Variants in AGAP1 observed in about 807,000 individuals in gnomAD.
AGAP1 encodes the protein arf-GAP with GTPase, ANK repeat and PH domain-containing protein 1.
AGAP1 carries 29 observed loss-of-function variants against 105.3 expected under a neutral mutation model. That is an observed-to-expected ratio of 0.28 (90% CI 0.21 to 0.38). AGAP1 has a LOEUF of 0.38. Ranked by LOEUF, AGAP1 falls within the 10% of genes least tolerant of loss-of-function variation. AGAP1 has a pLI of 1.00. For missense variants in AGAP1, 998 were observed against 1,165.1 expected (o/e 0.86, Z 2.09); for synonymous variants, 509 against 485.9 (o/e 1.05, Z -0.63).
chr2:235,628,630 T>C (rs568828588), intron 1 of AGAP1, among the ~76,000 whole-genome samples: 8 of 152,124 alleles, frequency 5.3e-5, no homozygotes, highest in Admixed American at 5.2e-4. Flanking sequence ...ACCTCTTTTT[T>C]TTTTCCATAG....
In AGAP1 at chr2:236,014,373, C is replaced by T. The variant is rs2056620475; in HGVS notation, c.1646-22188C>T. Among the ~76,000 whole-genome samples, 1 of 152,164 alleles carries T rather than the reference C, an allele frequency of 6.6e-6. No homozygotes were observed. The highest frequency in any genetic ancestry group is 2.4e-5 in the African/African-American group (1 of 41,428). ...CACATAGGCATGAACTGCTCATAAC[C>T]AGGGTCTCTTGATTTGACATGCTCC... On this transcript the variant is annotated intron_variant, in intron 13 of 17. Coordinates refer to ENST00000304032, the MANE Select transcript of AGAP1 (RefSeq NM_001037131.3). The surrounding 1 kb of genome is among the most constrained non-coding windows in gnomAD (Gnocchi z 6.3).
rs373134304 is a variant in AGAP1 at position 235,777,627 on chromosome 2, G to A, written c.674-20132G>A. On this transcript the variant is annotated intron_variant, in intron 6 of 17. Transcript: ENST00000304032. This position sits in a 1 kb window ranked among gnomAD's most constrained non-coding sequence, Gnocchi z 5.1. ...CCCTCCAATCGCCTTCTCAGAATCC[G>A]ACGCTGGTCCTAAGTGCCTTCAGCT... Among the ~76,000 whole-genome samples the A allele has an allele frequency of 1.2e-4, 18 of 152,120 alleles. No individual in the cohort carries two copies. The highest frequency in any genetic ancestry group is 8.3e-4 in the South Asian group (4 of 4,830).
rs990878176 is a variant in AGAP1 at position 235,577,674 on chromosome 2, C to G, written c.163+82825C>G. ...AACTCTGAGCATTCGGAACATTCGC[C>G]GAGTGGAACGTGTGTGTCGTCATCC... On this transcript the variant is annotated intron_variant, in intron 1 of 17. Coordinates refer to ENST00000304032, the MANE Select transcript of AGAP1 (RefSeq NM_001037131.3). This position sits in a 1 kb window ranked among gnomAD's most constrained non-coding sequence, Gnocchi z 4.5. Among the ~76,000 whole-genome samples, 1 of 152,042 alleles carries G rather than the reference C, an allele frequency of 6.6e-6. No individual in the cohort carries two copies. The highest frequency in any genetic ancestry group is 2.4e-5 in the African/African-American group (1 of 41,374).
Position 236,042,355 on chromosome 2 carries a change from C to T in AGAP1, c.1891+1514C>T, listed in dbSNP as rs1016018963. ...GCGGCCTCTCTGGAAGCCTGTCCTGCGGGTGAGGGAAGGGGTTCTTCTCCA... is the reference window on the plus strand; with the variant it reads ...GCGGCCTCTCTGGAAGCCTGTCCTGTGGGTGAGGGAAGGGGTTCTTCTCCA... On this transcript the variant is annotated intron_variant, in intron 15 of 17. Transcript: ENST00000304032. This position sits in a 1 kb window ranked among gnomAD's most constrained non-coding sequence, Gnocchi z 5.6. Among the ~76,000 whole-genome samples the T allele has an allele frequency of 7.9e-5, 12 of 152,040 alleles. No homozygotes were observed. The highest frequency in any genetic ancestry group is 2.1e-4 in the South Asian group (1 of 4,816).
intron 1 of AGAP1, among the ~76,000 whole-genome samples, chr2:235,652,306 C>A (rs963656633): frequency 6.6e-6 from 1 of 152,130 alleles, no homozygotes; most frequent in Non-Finnish European, 1.5e-5. Flanking sequence ...TGACCACTTT[C>A]CAGCCTTCAG....
intron 9 of AGAP1, among the ~76,000 whole-genome samples, chr2:235,869,887 T>C (rs1280112010): frequency 6.6e-6 from 1 of 152,202 alleles, no homozygotes; most frequent in Non-Finnish European, 1.5e-5. Context: ...CCCAGTAGGA[T>C]AGTCTGACCT....
At chr2:235,910,005 C>T (rs141136437) in intron 11 of AGAP1, among the ~76,000 whole-genome samples, 1,874 of 130,366 alleles carry the variant, frequency 0.014, 30 homozygotes, top group African/African-American at 0.05. Context: ...TGGGTGACAG[C>T]GAGACTCTAT....
In AGAP1 at chr2:235,577,369, G is replaced by A. The variant is rs1944767854; in HGVS notation, c.163+82520G>A. ...CATTTTAGTGCTCAGTAGCACCTGT[G>A]GCTGGAGCTACTGTATTGGGCACCA... On this transcript the variant is annotated intron_variant, in intron 1 of 17. Transcript: ENST00000304032. The surrounding 1 kb of genome is among the most constrained non-coding windows in gnomAD (Gnocchi z 4.5). Among the ~76,000 whole-genome samples the A allele has an allele frequency of 6.6e-6, 1 of 152,142 alleles. No individual in the cohort carries two copies. Among genetic ancestry groups the A allele is most frequent in the South Asian group, 2.1e-4 (1 of 4,828 alleles).
chr2:235,536,187 C>T (rs1262162081), intron 1 of AGAP1, among the ~76,000 whole-genome samples: 2 of 56,200 alleles, frequency 3.6e-5, no homozygotes, highest in African/African-American at 1.1e-4. Flanking sequence ...ACAGCAGGAC[C>T]CCGGGGTTTG....
chr2:235,575,756 G>T (rs1417072313), intron 1 of AGAP1, among the ~76,000 whole-genome samples: 1 of 152,172 alleles, frequency 6.6e-6, no homozygotes, highest in African/African-American at 2.4e-5. Flanking sequence ...GTTCTTTTCA[G>T]CTTTTTTCTT....
intron 6 of AGAP1, among the ~76,000 whole-genome samples, chr2:235,758,338 T>A (rs1230355749): frequency 6.6e-6 from 1 of 152,216 alleles, no homozygotes; most frequent in African/African-American, 2.4e-5. Context: ...ATTTAACGGC[T>A]TATGATGTAG....
At position 235,888,545 on chromosome 2, in the gene AGAP1, A is replaced by C. The variant is rs2050375112; in HGVS notation, c.1155+5096A>C. 6.6e-6 allele frequency among the ~76,000 whole-genome samples: 1 copy of C among 152,050 alleles called. No individual in the cohort carries two copies. The highest frequency in any genetic ancestry group is 6.5e-5 in the Admixed American group (1 of 15,270). ...ATGGAGAGACCCCATCTCTACAACA[A>C]ATAAAAAAGTGAGCCAGGTGTGGTG... On this transcript the variant is annotated intron_variant, in intron 10 of 17. Coordinates refer to ENST00000304032, the MANE Select transcript of AGAP1 (RefSeq NM_001037131.3). This position sits in a 1 kb window ranked among gnomAD's most constrained non-coding sequence, Gnocchi z 4.8.
At chr2:235,649,615 TC>T (rs1214293641) in intron 1 of AGAP1, among the ~76,000 whole-genome samples, 1 of 152,152 alleles carries the variant, frequency 6.6e-6, no homozygotes, top group Non-Finnish European at 1.5e-5. Context: ...CAAGCAACCT[TC>T]CTGCCTCAGC....
chr2:235,972,158 A>G (rs1468823841), intron 13 of AGAP1, among the ~76,000 whole-genome samples: 1 of 152,238 alleles, frequency 6.6e-6, no homozygotes, highest in Non-Finnish European at 1.5e-5. Flanking sequence ...GTGACTGGTT[A>G]CTACTAGTGT....
intron 1 of AGAP1, among the ~76,000 whole-genome samples, chr2:235,675,165 TGTTG>T (rs1227983549): frequency 2.9e-4 from 44 of 150,452 alleles, no homozygotes; most frequent in Non-Finnish European, 5.2e-4. Flanking sequence ...GGACACTTTT[TGTTG>T]GTTGGTTGGT....
chr2:235,698,887 A>G (rs1392099072), intron 1 of AGAP1, among the ~76,000 whole-genome samples: 2 of 152,228 alleles, frequency 1.3e-5, no homozygotes, highest in Non-Finnish European at 2.9e-5. Flanking sequence ...CAGAGGCTCA[A>G]CAATAAATTG....
At chr2:235,718,128 A>G (rs148240648) in intron 3 of AGAP1, among the ~76,000 whole-genome samples, 25 of 152,224 alleles carry the variant, frequency 1.6e-4, no homozygotes, top group African/African-American at 5.8e-4. Context: ...ATTTTGCATG[A>G]GAGTAAGATT....
At chr2:235,968,733 CT>C in intron 13 of AGAP1, 110 bp downstream of exon 13, 1 of 1,163,800 alleles carries the variant, frequency 8.6e-7, no homozygotes, top group Non-Finnish European at 1.2e-6. Context: ...CACAGTAATG[CT>C]GGTCACCGTA....
intron 9 of AGAP1, among the ~76,000 whole-genome samples, chr2:235,848,453 A>G (rs1961772593): frequency 6.6e-6 from 1 of 152,226 alleles, no homozygotes; most frequent in African/African-American, 2.4e-5. Context: ...GTACCATATC[A>G]GAACATGCTT....
Sources: gnomAD v4.1 joint callset for allele counts (sites outside exome capture counted in the v4.1 genomes callset) on GRCh38, gnomAD v4.1.1 for gene constraint, Gnocchi (gnomAD v3.1) non-coding constraint, MANE v1.5 for transcripts, NCBI Gene and HGNC (gene_info 2026-07-23, HGNC 2026-07-21) for gene names.